HAUS1: variants seen among roughly 807,000 people sequenced by gnomAD.
The protein encoded by HAUS1 is HAUS augmin like complex subunit 1.
A neutral mutation model predicts 38.6 loss-of-function variants in HAUS1; 25 were observed. The ratio of observed to expected loss-of-function variants is 0.65; its 90% CI spans 0.47 to 0.91. The LOEUF (loss-of-function observed/expected upper bound fraction) is 0.91, where lower values mean the gene tolerates loss of function less well. HAUS1 is among the 40% of genes least tolerant of loss of function. HAUS1 has a pLI of 0.00. For synonymous variants in HAUS1, 109 were observed against 112.9 expected (o/e 0.97, Z 0.22); for missense variants, 325 against 328.4 (o/e 0.99, Z 0.08).
rs746893598 is a variant in HAUS1 at position 46,118,205 on chromosome 18, T to A, written c.230T>A (p.Met77Lys). The A allele has an allele frequency of 6.2e-7, 1 of 1,612,100 alleles. No individual in the cohort carries two copies. Among genetic ancestry groups the A allele is most frequent in the South Asian group, 1.1e-5 (1 of 90,998 alleles). The change falls in exon 3 of 9, where the codon ATG becomes AAG. Residue 77 changes from methionine to lysine, a missense_variant. By Grantham distance (95) the Met-to-Lys change is moderately conservative. Coordinates refer to ENST00000282058, the MANE Select transcript of HAUS1 (RefSeq NM_138443.4). ...GCCAAGTATCTTCAAGACCTTCTCA[T>A]GGAGAGTGTGAATTTTTCCCCCGCC... ...SEAKYLQDLL[M>K]ESVNFSPANL...
chr18:46,114,063 C>T (rs35564962), intron 2 of HAUS1, among the ~76,000 whole-genome samples: 2,027 of 152,266 alleles, frequency 0.013, 23 homozygotes, highest in Non-Finnish European at 0.023. Context: ...AACTGCTCTA[C>T]GAGCAATTCC....
In HAUS1 at chr18:46,118,212, T is replaced by C; in HGVS notation, c.237T>C (p.Ser79=). Residue 79 remains serine, a synonymous_variant, in exon 3 of 9, where the codon AGT becomes AGC. Transcript: ENST00000282058. Reference sequence around the variant, plus strand: ...ATCTTCAAGACCTTCTCATGGAGAGTGTGAATTTTTCCCCCGCCAATCTCT... The same window carrying C: ...ATCTTCAAGACCTTCTCATGGAGAGCGTGAATTTTTCCCCCGCCAATCTCT... ...AKYLQDLLME[S]VNFSPANLSS... is the part of the protein sequence containing the mutation. 2 of 1,612,038 alleles carry C rather than the reference T, an allele frequency of 1.2e-6. No homozygotes were observed. The highest frequency in any genetic ancestry group is 1.7e-6 in the Non-Finnish European group (2 of 1,179,828).
intron 2 of HAUS1, among the ~76,000 whole-genome samples, chr18:46,107,245 A>T (rs1044761655): frequency 5.9e-5 from 9 of 152,116 alleles, no homozygotes; most frequent in South Asian, 2.1e-4. Flanking sequence ...TTATTTTTAA[A>T]TGATTTTATT....
rs775898546 is a variant in HAUS1, at chr18:46,128,024, T to C, written c.787-51T>C. ...TATTTTAAATAACATTAAATAAAAG[T>C]TAGAGCATCTGTTTTATGTCCTTAT... is the stretch of plus-strand genomic sequence containing the variant. On this transcript the variant is annotated intron_variant, in intron 8 of 8. Coordinates refer to ENST00000282058, the MANE Select transcript of HAUS1 (RefSeq NM_138443.4). 9 of 1,074,850 alleles carry C rather than the reference T, an allele frequency of 8.4e-6. No homozygotes were observed. In the African/African-American group the frequency reaches 1.5e-4, roughly 17 times the overall value. The allele number at this position is 1,074,850 out of a possible 1,614,324, so 66.6% of individuals were successfully genotyped here.
At chr18:46,122,424 G>GAGA (rs768703461) in intron 4 of HAUS1, 43 bp from the exon 5 acceptor site, 8 of 1,593,700 alleles carry the variant, frequency 5.0e-6, no homozygotes, top group Admixed American at 1.7e-5. Context: ...TACTTTTACT[G>GAGA]AGAAGAAGAA....
chr18:46,114,755 G>A (rs554596412), intron 2 of HAUS1, among the ~76,000 whole-genome samples: 2 of 152,302 alleles, frequency 1.3e-5, no homozygotes, highest in African/African-American at 4.8e-5. Context: ...GACTGCAGCT[G>A]TCTGGAGTGG....
At chr18:46,117,816 G>A (rs1911834442) in intron 2 of HAUS1, among the ~76,000 whole-genome samples, 1 of 151,854 alleles carries the variant, frequency 6.6e-6, no homozygotes, top group African/African-American at 2.4e-5. Flanking sequence ...CATGGTGGTG[G>A]GCGCCTGTAA....
At chr18:46,126,803 T>TTATG (rs1296893894) in intron 8 of HAUS1, 3 of 92,282 alleles carry the variant, frequency 3.3e-5, no homozygotes, top group Non-Finnish European at 7.0e-5. Flanking sequence ...TTTTGCATTT[T>TTATG]TATTTATTTA....
At position 46,124,849 on chromosome 18, in the gene HAUS1, A is replaced by G. The variant is rs756818632; in HGVS notation, c.694A>G (p.Ile232Val). 5.6e-6 allele frequency: 9 copies of G among 1,606,836 alleles called. No individual in the cohort carries two copies. Among genetic ancestry groups the G allele is most frequent in the African/African-American group, 1.3e-5 (1 of 74,752 alleles). Residue 232 changes from isoleucine (I) to valine (V), a missense_variant, in exon 7 of 9, where the codon ATA becomes GTA. Physicochemically the swap from Ile to Val is conservative, Grantham distance 29 (BLOSUM62 3). Coordinates refer to ENST00000282058, the MANE Select transcript of HAUS1 (RefSeq NM_138443.4). ...ACTGGCAAGATTAAAGCAACAGACTATACCTTTGAAGAAAAAATTGGAGTC... is the reference window on the plus strand; with the variant it reads ...ACTGGCAAGATTAAAGCAACAGACTGTACCTTTGAAGAAAAAATTGGAGTC... ...EKLARLKQQT[I>V]PLKKKLESYL...
At chr18:46,113,688 T>G (rs914932387) in intron 2 of HAUS1, among the ~76,000 whole-genome samples, 1 of 152,234 alleles carries the variant, frequency 6.6e-6, no homozygotes, top group Non-Finnish European at 1.5e-5. Context: ...TGCTTTTTTC[T>G]ATTACAGTTC....
intron 2 of HAUS1, among the ~76,000 whole-genome samples, chr18:46,110,400 G>A (rs112182058): frequency 0.073 from 10,288 of 141,362 alleles, 458 homozygotes; most frequent in African/African-American, 0.13. Context: ...GCTGGAGTGC[G>A]GTGGCGCAGT....
At chr18:46,104,499 C>T (rs1911397652) in intron 1 of HAUS1, 58 bp downstream of exon 1, 7 of 1,382,884 alleles carry the variant, frequency 5.1e-6, no homozygotes, top group Non-Finnish European at 6.7e-6. Context: ...TTGACACCCC[C>T]GCGCCGACAG....
At chr18:46,113,334 C>T in intron 2 of HAUS1, among the ~76,000 whole-genome samples, 1 of 151,966 alleles carries the variant, frequency 6.6e-6, no homozygotes, top group East Asian at 1.9e-4. Context: ...GCCTTGGCCT[C>T]CCAAAGTGCT....
intron 8 of HAUS1, among the ~76,000 whole-genome samples, chr18:46,127,703 A>T (rs1339896322): frequency 7.1e-6 from 1 of 140,930 alleles, no homozygotes; most frequent in Non-Finnish European, 1.5e-5. Context: ...GTGAGACTGC[A>T]TCTCAAAAAA....
At chr18:46,107,905 A>G (rs1340160399) in intron 2 of HAUS1, among the ~76,000 whole-genome samples, 1 of 152,072 alleles carries the variant, frequency 6.6e-6, no homozygotes, top group Admixed American at 6.6e-5. Context: ...GAGTCTTCCT[A>G]TTTTGCTCAG....
At chr18:46,119,467 A>G (rs969949134) in intron 3 of HAUS1, among the ~76,000 whole-genome samples, 1 of 151,722 alleles carries the variant, frequency 6.6e-6, no homozygotes, top group Non-Finnish European at 1.5e-5. Flanking sequence ...TTTTTTTTAT[A>G]CTTACATACT....
rs1456147962 is a variant in HAUS1, at chr18:46,113,037, T to TATATATATTCCATATATATGGA, written c.206-5129_206-5128insATATGGAATATATATTCCATAT. Among the ~76,000 whole-genome samples, 456 of 132,624 alleles carry TATATATATTCCATATATATGGA rather than the reference T, an allele frequency of 3.4e-3. 12 individuals are homozygous for TATATATATTCCATATATATGGA. Among genetic ancestry groups the TATATATATTCCATATATATGGA allele is most frequent in the Admixed American group, 0.021 (236 of 11,432 alleles). 87.0% of individuals were successfully genotyped at this position (132,624 alleles called of 152,430 possible). On this transcript the variant is annotated intron_variant, in intron 2 of 8. Coordinates refer to ENST00000282058, the MANE Select transcript of HAUS1 (RefSeq NM_138443.4). ...TATATATTCCATATTATATATATAA[T>TATATATATTCCATATATATGGA]ATATATATTCCATATTATATATATA...
chr18:46,127,934 A>G (rs74402027), intron 8 of HAUS1, 141 bp from the exon 9 acceptor site: 24,119 of 474,856 alleles, frequency 0.051, 842 homozygotes, highest in African/African-American at 0.12. Context: ...ATCTAAAAGC[A>G]TATTTGATAT....
At chr18:46,114,710 CAGCTGGG>C (rs1403300453) in intron 2 of HAUS1, among the ~76,000 whole-genome samples, 1 of 151,942 alleles carries the variant, frequency 6.6e-6, no homozygotes, top group Non-Finnish European at 1.5e-5. Context: ...GAAGGCCTTC[CAGCTGGG>C]AGCTGGGAGC....
Sources: allele counts gnomAD v4.1 joint callset (sites outside exome capture counted in the v4.1 genomes callset), GRCh38; gene constraint gnomAD v4.1.1; transcripts MANE v1.5; gene names NCBI Gene and HGNC (gene_info 2026-07-23, HGNC 2026-07-21).